COA1: variants seen among roughly 807,000 people sequenced by gnomAD.
COA1 encodes the protein cytochrome c oxidase assembly factor 1.
In COA1, 13 loss-of-function variants were observed where a neutral mutation model predicts 16.0. That is an observed-to-expected ratio of 0.81 (90% confidence interval 0.53 to 1.29). COA1 has a LOEUF of 1.29. Ranked by LOEUF, COA1 falls within the 50% of genes most tolerant of loss-of-function variation. The pLI is 0.00. For synonymous variants in COA1, 65 were observed against 65.7 expected, an observed-to-expected ratio of 0.99 and a Z score of 0.05; for missense variants, 179 against 177.0, an observed-to-expected ratio of 1.01 and a Z score of -0.06.
Position 43,639,601 on chromosome 7 carries a change from T to C in COA1, c.422A>G (p.Asp141Gly). ...TCGTCTCTACTCCTTTTTCACTTCA[T>C]CACCGTTTTCCCCACTGAGCTTGAA... ...PVFKLSGENG[D>G]EVKKE is the part of the protein sequence containing the mutation. The change falls in exon 6 of 6, where the codon GAT becomes GGT. Residue 141 changes from aspartate (D) to glycine (G), a missense_variant. Asp to Gly is a moderately conservative substitution (Grantham distance 94). Coordinates refer to ENST00000223336, the MANE Select transcript of COA1 (RefSeq NM_018224.4). 1 of 1,613,902 alleles carries C rather than the reference T, an allele frequency of 6.2e-7. No individual in the cohort carries two copies. Among genetic ancestry groups the C allele is most frequent in the Non-Finnish European group, 8.5e-7 (1 of 1,179,846 alleles).
chr7:43,718,531 T>C (rs1032236129), intron 1 of COA1, among the ~76,000 whole-genome samples: 1 of 152,096 alleles, frequency 6.6e-6, no homozygotes, highest in South Asian at 2.1e-4. Flanking sequence ...TAAAATAACA[T>C]ACAAATTTCC....
In COA1 at chr7:43,648,747, T is replaced by C. The variant is rs2090116766; in HGVS notation, c.-38-95A>G. ...CAAGATTTATTACCAACCCAAGCTTTAGAACACGAACAAGAAGTTAAAATT... is the reference window on the plus strand; with the variant it reads ...CAAGATTTATTACCAACCCAAGCTTCAGAACACGAACAAGAAGTTAAAATT... On this transcript the variant is annotated intron_variant, in intron 1 of 5. Transcript: ENST00000223336. 4.7e-6 allele frequency: 4 copies of C among 843,108 alleles called. 1 individual carries two copies. Among genetic ancestry groups the C allele is most frequent in the South Asian group, 3.6e-5 (2 of 55,154 alleles). 52.2% of individuals were successfully genotyped at this position (843,108 alleles called of 1,614,324 possible).
chr7:43,639,079 A>G (rs1009457994), downstream of COA1: 1 of 152,322 alleles, frequency 6.6e-6, no homozygotes, highest in Non-Finnish European at 1.5e-5. Context: ...AATGTCCACA[A>G]GCTACTTAAC....
intron 1 of COA1, among the ~76,000 whole-genome samples, chr7:43,652,831 T>C (rs932455783): frequency 1.5e-5 from 2 of 133,748 alleles, no homozygotes; most frequent in Admixed American, 1.6e-4. Context: ...GGGGATTACA[T>C]ATCATCCAGC....
At chr7:43,618,016 C>G (rs912888380) in intron 6 of COA1, among the ~76,000 whole-genome samples, 5 of 152,112 alleles carry the variant, frequency 3.3e-5, no homozygotes, top group Admixed American at 2.6e-4. Flanking sequence ...AAGAATATCA[C>G]TGGATTTTGT....
chr7:43,622,440 CCTT>C (rs1220175843), intron 6 of COA1: 1 of 151,948 alleles, frequency 6.6e-6, no homozygotes, highest in Non-Finnish European at 1.5e-5. Flanking sequence ...CATTTTCATT[CCTT>C]TTTTTAATTG....
At chr7:43,712,787 TTCC>T (rs2095290649) in intron 1 of COA1, among the ~76,000 whole-genome samples, 1 of 152,328 alleles carries the variant, frequency 6.6e-6, no homozygotes, top group South Asian at 2.1e-4. Context: ...CTTAGGAGAT[TTCC>T]TGACCATTAT....
intron 1 of COA1, among the ~76,000 whole-genome samples, chr7:43,723,016 T>C (rs958023866): frequency 1.3e-5 from 2 of 152,216 alleles, no homozygotes; most frequent in African/African-American, 4.8e-5. Context: ...CTCCTGATAA[T>C]ATACTTGCTG....
intron 1 of COA1, among the ~76,000 whole-genome samples, chr7:43,699,429 C>T (rs901471092): frequency 1.3e-5 from 2 of 152,076 alleles, no homozygotes; most frequent in African/African-American, 4.8e-5. Flanking sequence ...ATTTGCAGAG[C>T]CAACCTACTA....
At position 43,690,549 on chromosome 7, in the gene COA1, G is replaced by GT. The variant is rs778455647; in HGVS notation, c.-39+38879_-39+38880insA. The stretch of plus-strand genomic sequence containing the variant: ...GAAATAATTGCATTCGCAGCAACCT[G>GT]GATGGAACTGAAGACTATTATTCTA... On this transcript the variant is annotated intron_variant, in intron 1 of 5. Coordinates refer to ENST00000223336, the MANE Select transcript of COA1 (RefSeq NM_018224.4). 3.3e-5 allele frequency among the ~76,000 whole-genome samples: 5 copies of GT among 152,136 alleles called. No individual in the cohort carries two copies. The East Asian group carries it at 9.7e-4, about 29-fold the overall frequency.
intron 1 of COA1, among the ~76,000 whole-genome samples, chr7:43,721,717 G>T (rs1474339373): frequency 6.6e-6 from 1 of 151,970 alleles, no homozygotes; most frequent in East Asian, 1.9e-4. Flanking sequence ...TATGGTGTTG[G>T]TTATAGAAAT....
At chr7:43,618,365 C>T (rs918604915) in intron 6 of COA1, among the ~76,000 whole-genome samples, 1 of 152,052 alleles carries the variant, frequency 6.6e-6, no homozygotes, top group Non-Finnish European at 1.5e-5. Context: ...AAAGGCAGTA[C>T]GTGTGTAAAG....
intron 6 of COA1, among the ~76,000 whole-genome samples, chr7:43,624,168 T>C (rs1044659228): frequency 6.6e-6 from 1 of 152,220 alleles, no homozygotes; most frequent in Admixed American, 6.5e-5. Flanking sequence ...AACTGTATTA[T>C]TGCAAATGTG....
chr7:43,688,062 T>C (rs1345179219), intron 1 of COA1, among the ~76,000 whole-genome samples: 9 of 152,186 alleles, frequency 5.9e-5, no homozygotes, highest in Non-Finnish European at 1.2e-4. Context: ...GCCATCACCA[T>C]GTAAGAAGTG....
At chr7:43,648,345 T>C in intron 2 of COA1, 1 of 576,198 alleles carries the variant, frequency 1.7e-6, no homozygotes, top group Non-Finnish European at 3.1e-6. Flanking sequence ...CTCAACAGGG[T>C]GAGGCAGCCA....
chr7:43,643,493 T>TCCACACATG (rs2087768545), intron 4 of COA1, among the ~76,000 whole-genome samples: 1 of 152,316 alleles, frequency 6.6e-6, no homozygotes, highest in Non-Finnish European at 1.5e-5. Context: ...GAGTGAGCAC[T>TCCACACATG]CCACACATGC....
intron 1 of COA1, among the ~76,000 whole-genome samples, chr7:43,708,338 G>A (rs946670291): frequency 1.2e-4 from 19 of 152,228 alleles, no homozygotes; most frequent in South Asian, 8.3e-4. Context: ...GCACATGTCT[G>A]TAGGCCCAAC....
chr7:43,718,876 T>C (rs1028429697), intron 1 of COA1, among the ~76,000 whole-genome samples: 2 of 152,136 alleles, frequency 1.3e-5, no homozygotes, highest in African/African-American at 4.8e-5. Flanking sequence ...ATGTTGATGT[T>C]GTCTATTTTC....
chr7:43,644,318 A>C (rs961439117), intron 4 of COA1, among the ~76,000 whole-genome samples: 5 of 152,206 alleles, frequency 3.3e-5, no homozygotes. Flanking sequence ...ATCATTTCTC[A>C]AACCAGAGCA....
Sources: gnomAD v4.1 joint callset for allele counts (sites outside exome capture counted in the v4.1 genomes callset) on GRCh38, gnomAD v4.1.1 for gene constraint, MANE v1.5 for transcripts, NCBI Gene and HGNC (gene_info 2026-07-23, HGNC 2026-07-21) for gene names.